The following UBQLN4 variants were observed in gnomAD, a reference collection of about 807,000 sequenced individuals.
UBQLN4 encodes the protein ubiquilin 4.
A neutral mutation model predicts 60.4 loss-of-function variants in UBQLN4; 11 were observed. The ratio of observed to expected loss-of-function variants is 0.18; its 90% confidence interval spans 0.11 to 0.30. The LOEUF (loss-of-function observed/expected upper bound fraction) is 0.30, where lower values mean the gene tolerates loss of function less well. Ranked by LOEUF, UBQLN4 falls within the 10% of genes least tolerant of loss-of-function variation. UBQLN4 has a pLI of 1.00. For missense variants in UBQLN4, 417 were observed against 795.5 expected, an observed-to-expected ratio of 0.52 and a Z score of 5.72; for synonymous variants, 258 against 313.1, an observed-to-expected ratio of 0.82 and a Z score of 1.86.
rs139302121 is a variant in UBQLN4 at position 156,048,479 on chromosome 1, C to T, written c.900+22G>A. 1.4e-5 allele frequency: 23 copies of T among 1,596,124 alleles called. No individual in the cohort carries two copies. In the African/African-American group the frequency reaches 3.0e-4, roughly 20 times the overall value. On this transcript the variant is annotated intron_variant, in intron 5 of 10. Transcript: ENST00000368309. This position sits in a 1 kb window ranked among gnomAD's most constrained non-coding sequence, Gnocchi z 4.9. ...TCTCGAGCCCAGACAGCCCAACCCA[C>T]TACCCTGGCCCTTGATCCCACCTGT... is the stretch of plus-strand genomic sequence containing the variant.
chr1:156,042,122 C>A, intron 8 of UBQLN4, 31 bp downstream of exon 8: 4 of 1,606,130 alleles, frequency 2.5e-6, no homozygotes, highest in East Asian at 4.5e-5. Flanking sequence ...CCCTTGCCCT[C>A]AACCTCCACC....
chr1:156,037,276 C>T, intron 10 of UBQLN4, 146 bp from the exon 11 acceptor site: 2 of 1,040,482 alleles, frequency 1.9e-6, no homozygotes, highest in Admixed American at 5.7e-5. Flanking sequence ...AATGGGGGCC[C>T]AGGAGCCTAG....
At position 156,036,100 on chromosome 1, in the gene UBQLN4, G is replaced by A. The variant is rs1048471503; in HGVS notation, c.*878C>T. On this transcript the variant is annotated 3_prime_UTR_variant, in exon 11 of 11. Transcript: ENST00000368309. ...AATATGACCCCTTGTGGGGCGTGGC[G>A]CTTAGCTTCATTGGGCTCCTTTTTT... 6 of 985,460 alleles carry A rather than the reference G, an allele frequency of 6.1e-6. No individual in the cohort carries two copies. Among genetic ancestry groups the A allele is most frequent in the Non-Finnish European group, 7.2e-6 (6 of 829,950 alleles). 61.0% of individuals were successfully genotyped at this position (985,460 alleles called of 1,614,324 possible). A position where few individuals can be genotyped will look rare whatever the true frequency, so the allele number is the denominator to read the frequency against.
intron 10 of UBQLN4, among the ~76,000 whole-genome samples, chr1:156,038,102 A>G (rs766560032): frequency 2.8e-4 from 42 of 152,264 alleles, no homozygotes; most frequent in African/African-American, 9.4e-4. Context: ...TTGGCTGGGC[A>G]TAGTGGCTCA....
downstream of UBQLN4, among the ~76,000 whole-genome samples, chr1:156,031,547 T>C (rs936946248): frequency 1.3e-5 from 2 of 151,660 alleles, no homozygotes; most frequent in Non-Finnish European, 2.9e-5. Flanking sequence ...ACTCATATGC[T>C]CTTAAACGCA....
At chr1:156,043,927 A>C in intron 6 of UBQLN4, 71 bp downstream of exon 6, 1 of 1,490,698 alleles carries the variant, frequency 6.7e-7, no homozygotes, top group Non-Finnish European at 9.3e-7. Flanking sequence ...AGCAGTATGA[A>C]CCCCATTCAG....
At position 156,050,522 on chromosome 1, in the gene UBQLN4, G is replaced by C; in HGVS notation, c.510C>G (p.Ser170Arg). Residue 170 changes from serine to arginine, a missense_variant, in exon 4 of 11, where the codon AGC (serine) becomes AGG (arginine). Transcript: ENST00000368309. This position sits in a 1 kb window ranked among gnomAD's most constrained non-coding sequence, Gnocchi z 4.6. ...SGFGGILGLG[S>R]LGLGSANFME... is the part of the protein sequence containing the mutation. ...TGAAGTTGGCAGAGCCCAGGCCTAG[G>C]CTGCCCAGCCCCAGGATGCCCCCAA... 1 of 1,613,244 alleles carries C rather than the reference G, an allele frequency of 6.2e-7. No individual in the cohort carries two copies. Among genetic ancestry groups the C allele is most frequent in the Non-Finnish European group, 8.5e-7 (1 of 1,179,628 alleles).
In UBQLN4 at chr1:156,048,450, G is replaced by A. The variant is rs773649656; in HGVS notation, c.900+51C>T. ...CCAGGTTTGCCTGGGGTGGGGGTAG[G>A]GAATCTCGAGCCCAGACAGCCCAAC... On this transcript the variant is annotated intron_variant, in intron 5 of 10. Transcript: ENST00000368309. This position sits in a 1 kb window ranked among gnomAD's most constrained non-coding sequence, Gnocchi z 4.9. 5 of 1,560,560 alleles carry A rather than the reference G, an allele frequency of 3.2e-6. No individual in the cohort carries two copies. The Admixed American group carries it at 7.1e-5, about 22-fold the overall frequency.
In UBQLN4 at chr1:156,044,171, G is replaced by A. The variant is rs540413582; in HGVS notation, c.953C>T (p.Ser318Phe). Residue 318 changes from serine to phenylalanine, a missense_variant, in exon 6 of 11, where the codon TCC becomes TTC. Physicochemically the swap from Ser to Phe is radical, Grantham distance 155 (BLOSUM62 -2). Coordinates refer to ENST00000368309, the MANE Select transcript of UBQLN4 (RefSeq NM_020131.5). ...TCGATTCTCAGTCCGCAGAGGCTGG[G>A]AGGATGAGCTGTCGGAGTTCCCGGC... ...SLAGNSDSSS[S>F]QPLRTENREP... is the part of the protein sequence containing the mutation. The A allele has an allele frequency of 8.9e-6, 14 of 1,578,852 alleles. No homozygotes were observed. In the Admixed American group the frequency reaches 1.3e-4, roughly 15 times the overall value.
rs766824603 is a variant in UBQLN4, at chr1:156,037,085, T to C, written c.1699A>G (p.Asn567Asp). The C allele has an allele frequency of 1.2e-6, 2 of 1,614,062 alleles. No individual in the cohort carries two copies. Among genetic ancestry groups the C allele is most frequent in the Non-Finnish European group, 1.7e-6 (2 of 1,180,026 alleles). ...VRFQQQLEQL[N>D]SMGFINREAN... ...TCACGATTGATGAAGCCCATGGAGTTGAGCTGCTCCAGCTGCTGCTGAAAT... is the reference window on the plus strand; with the variant it reads ...TCACGATTGATGAAGCCCATGGAGTCGAGCTGCTCCAGCTGCTGCTGAAAT... The change falls in exon 11 of 11, where the codon AAC (asparagine) becomes GAC (aspartate). Residue 567 changes from asparagine to aspartate, a missense_variant. Coordinates refer to ENST00000368309, the MANE Select transcript of UBQLN4 (RefSeq NM_020131.5).
Position 156,039,830 on chromosome 1 carries a change from G to A in UBQLN4, c.1653+1655C>T, listed in dbSNP as rs957736442. On this transcript the variant is annotated intron_variant, in intron 10 of 10. Transcript: ENST00000368309. ...TGGGCGCCTTTAGTCCCAGCTACTC[G>A]GGAGGCTGAGGCAGGAGAATGGCCT... 5.3e-5 allele frequency among the ~76,000 whole-genome samples: 8 copies of A among 150,776 alleles called. No homozygotes were observed. In the East Asian group the frequency reaches 6.0e-4, roughly 11 times the overall value.
intron 2 of UBQLN4, 135 bp from the exon 3 acceptor site, chr1:156,051,462 G>C: frequency 8.2e-7 from 1 of 1,214,030 alleles, no homozygotes; most frequent in African/African-American, 1.5e-5. Flanking sequence ...GCTGGAGTGG[G>C]GTGATGGCGG....
At chr1:156,040,653 C>T (rs1266535561) in intron 10 of UBQLN4, among the ~76,000 whole-genome samples, 4 of 151,666 alleles carry the variant, frequency 2.6e-5, no homozygotes, top group African/African-American at 7.3e-5. Context: ...GGGGTTTCAC[C>T]GTGTTAGCCA....
At position 156,035,485 on chromosome 1, in the gene UBQLN4, G is replaced by T; in HGVS notation, c.*1493C>A. Reference sequence around the variant, plus strand: ...TCGGTCCTCCAAGCAGCTGGGCCAAGTAGGAGAGGGAAGAGGTGATATGAG... The same window carrying T: ...TCGGTCCTCCAAGCAGCTGGGCCAATTAGGAGAGGGAAGAGGTGATATGAG... On this transcript the variant is annotated 3_prime_UTR_variant, in exon 11 of 11. Transcript: ENST00000368309. 3 of 985,354 alleles carry T rather than the reference G, an allele frequency of 3.0e-6. No homozygotes were observed. The South Asian group carries it at 1.4e-4, about 46-fold the overall frequency. 61.0% of individuals were successfully genotyped at this position (985,354 alleles called of 1,614,324 possible). A position where few individuals can be genotyped will look rare whatever the true frequency, so the allele number is the denominator to read the frequency against.
At chr1:156,040,275 A>G (rs367655902) in intron 10 of UBQLN4, among the ~76,000 whole-genome samples, 14 of 151,630 alleles carry the variant, frequency 9.2e-5, no homozygotes, top group African/African-American at 2.7e-4. Context: ...GCGTGCCTGT[A>G]ATCCCAGCTA....
chr1:156,048,359 T>A lies in UBQLN4; in HGVS notation c.900+142A>T. On this transcript the variant is annotated intron_variant, in intron 5 of 10. Coordinates refer to ENST00000368309, the MANE Select transcript of UBQLN4 (RefSeq NM_020131.5). This position sits in a 1 kb window ranked among gnomAD's most constrained non-coding sequence, Gnocchi z 4.9. ...AAATGGACCATCCCCGGATATGTAC[T>A]GTTGAGAACTGCCTTCAAGCCAAGG... 3.3e-6 allele frequency: 3 copies of A among 919,788 alleles called. No homozygotes were observed. The highest frequency in any genetic ancestry group is 4.3e-5 in the South Asian group (2 of 46,520). 57.0% of individuals were successfully genotyped at this position (919,788 alleles called of 1,614,324 possible).
At chr1:156,051,992 C>A (rs1246511474) in intron 1 of UBQLN4, 135 bp from the exon 2 acceptor site, 1 of 1,046,950 alleles carries the variant, frequency 9.6e-7, no homozygotes, top group East Asian at 2.6e-5. Flanking sequence ...GTAGTCTCGA[C>A]GCCATTCCTC....
intron 5 of UBQLN4, among the ~76,000 whole-genome samples, chr1:156,046,153 A>G (rs1240986033): frequency 1.3e-5 from 2 of 151,964 alleles, no homozygotes; most frequent in African/African-American, 2.4e-5. Context: ...ACCAACTTGT[A>G]ATAAATTGTC....
chr1:156,050,205 A>G lies in UBQLN4; in HGVS notation c.741+86T>C, dbSNP rs1453770316. The G allele has an allele frequency of 1.3e-6, 2 of 1,482,004 alleles. No homozygotes were observed. The highest frequency in any genetic ancestry group is 1.8e-6 in the Non-Finnish European group (2 of 1,112,074). The allele number at this position is 1,482,004 out of a possible 1,614,324, so 91.8% of individuals were successfully genotyped here. On this transcript the variant is annotated intron_variant, in intron 4 of 10. Coordinates refer to ENST00000368309, the MANE Select transcript of UBQLN4 (RefSeq NM_020131.5). This position sits in a 1 kb window ranked among gnomAD's most constrained non-coding sequence, Gnocchi z 4.6. ...AAACTGCTGAATACACGAATGAACA[A>G]ATCAATGTAGGACAAAGTAGGAAAG...
Sources: allele counts gnomAD v4.1 joint callset (sites outside exome capture counted in the v4.1 genomes callset), GRCh38; gene constraint gnomAD v4.1.1; non-coding constraint Gnocchi (gnomAD v3.1); transcripts MANE v1.5; gene names NCBI Gene and HGNC (gene_info 2026-07-23, HGNC 2026-07-21).